KCNB2: variants seen among roughly 807,000 people sequenced by gnomAD.
KCNB2 encodes delayed rectifier potassium channel protein.
In KCNB2, 15 loss-of-function variants were observed where a neutral mutation model predicts 61.5. The observed-to-expected ratio is 0.24, with a 90% CI of 0.16 to 0.38. The LOEUF is 0.38. KCNB2 is among the 10% of genes least tolerant of loss of function. KCNB2 has a pLI of 1.00. For synonymous variants in KCNB2, 457 were observed against 446.0 expected, an observed-to-expected ratio of 1.02 and a Z score of -0.31; for missense variants, 828 against 1,125.2, an observed-to-expected ratio of 0.74 and a Z score of 3.78.
intron 2 of KCNB2, among the ~76,000 whole-genome samples, chr8:72,582,659 C>G (rs1806922931): frequency 1.3e-5 from 2 of 152,218 alleles, no homozygotes; most frequent in Admixed American, 6.5e-5. Flanking sequence ...TTTCCTCAGG[C>G]TACAGTGCAG....
chr8:72,665,141 T>G (rs1009356155), intron 2 of KCNB2, among the ~76,000 whole-genome samples: 3 of 152,190 alleles, frequency 2.0e-5, no homozygotes, highest in Non-Finnish European at 4.4e-5. Context: ...TCTCACTTGC[T>G]TTTGCATATG....
At chr8:72,774,784 A>C (rs1389821760) in intron 2 of KCNB2, among the ~76,000 whole-genome samples, 1 of 152,188 alleles carries the variant, frequency 6.6e-6, no homozygotes, top group Non-Finnish European at 1.5e-5. Context: ...CAATATGTTT[A>C]GATCAGTAAC....
chr8:72,626,419 T>C (rs976609049), intron 2 of KCNB2, among the ~76,000 whole-genome samples: 4 of 152,180 alleles, frequency 2.6e-5, no homozygotes, highest in Admixed American at 2.6e-4. Flanking sequence ...ACTCAGAATA[T>C]ATTTGGGCAG....
intron 2 of KCNB2, among the ~76,000 whole-genome samples, chr8:72,825,480 C>T (rs995441257): frequency 2.0e-5 from 3 of 152,178 alleles, no homozygotes. Flanking sequence ...GTACCATTTT[C>T]CACAGTGGCT....
intron 2 of KCNB2, among the ~76,000 whole-genome samples, chr8:72,768,319 A>G (rs1808494170): frequency 6.6e-6 from 1 of 151,828 alleles, no homozygotes; most frequent in South Asian, 2.1e-4. Context: ...GACTACAGGC[A>G]TGCACCACCA....
intron 2 of KCNB2, among the ~76,000 whole-genome samples, chr8:72,641,834 AT>A (rs1806060751): frequency 6.6e-6 from 1 of 152,130 alleles, no homozygotes; most frequent in Admixed American, 6.6e-5. Flanking sequence ...AAAAGAACAT[AT>A]GTAAGTGCCT....
At chr8:72,705,998 G>GC (rs1446188754) in intron 2 of KCNB2, among the ~76,000 whole-genome samples, 1 of 152,200 alleles carries the variant, frequency 6.6e-6, no homozygotes, top group Non-Finnish European at 1.5e-5. Context: ...AGGGCAGAAG[G>GC]CCCATTCCTA....
chr8:72,898,333 C>T (rs1385562351), intron 2 of KCNB2, among the ~76,000 whole-genome samples: 2 of 151,842 alleles, frequency 1.3e-5, no homozygotes, highest in Non-Finnish European at 1.5e-5. Flanking sequence ...AGGAGATATA[C>T]CTAATGTTAA....
At chr8:72,760,757 T>C (rs1195572730) in intron 2 of KCNB2, among the ~76,000 whole-genome samples, 1 of 152,200 alleles carries the variant, frequency 6.6e-6, no homozygotes, top group Non-Finnish European at 1.5e-5. Flanking sequence ...GACTTGGTGT[T>C]GGCAGTACTT....
intron 2 of KCNB2, among the ~76,000 whole-genome samples, chr8:72,744,747 G>T (rs1808028993): frequency 6.6e-6 from 1 of 152,108 alleles, no homozygotes; most frequent in Admixed American, 6.6e-5. Flanking sequence ...AAACACAAGT[G>T]CCAAGGACCT....
At chr8:72,922,413 A>G (rs963269855) in intron 2 of KCNB2, among the ~76,000 whole-genome samples, 2 of 152,234 alleles carry the variant, frequency 1.3e-5, no homozygotes, top group Non-Finnish European at 2.9e-5. Context: ...TCCTGCTGCT[A>G]TAACAAAATA....
At chr8:72,794,638 T>C (rs1276387148) in intron 2 of KCNB2, among the ~76,000 whole-genome samples, 1 of 135,856 alleles carries the variant, frequency 7.4e-6, no homozygotes, top group Non-Finnish European at 1.6e-5. Context: ...AGGAGAGGAG[T>C]AGGTTAAAGG....
chr8:72,838,433 G>C (rs572868358), intron 2 of KCNB2, among the ~76,000 whole-genome samples: 1 of 152,292 alleles, frequency 6.6e-6, no homozygotes, highest in East Asian at 1.9e-4. Context: ...CCCTGCAAAG[G>C]ACATGAACTC....
intron 1 of KCNB2, among the ~76,000 whole-genome samples, chr8:72,546,536 A>G (rs1185865469): frequency 6.6e-6 from 1 of 151,648 alleles, no homozygotes; most frequent in Non-Finnish European, 1.5e-5. Context: ...AAAAAAGTGC[A>G]AGGTGAAGAA....
At position 72,746,469 on chromosome 8, in the gene KCNB2, C is replaced by T. The variant is rs556849605; in HGVS notation, c.579+178156C>T. On this transcript the variant is annotated intron_variant, in intron 2 of 2. Transcript: ENST00000523207. ...GTTCTTGTCTACTAAAGAAAAGACA[C>T]CAACAAACAAAGAAATATAAAACAA... 8.5e-5 allele frequency among the ~76,000 whole-genome samples: 13 copies of T among 152,204 alleles called. 1 individual carries two copies. The highest frequency in any genetic ancestry group is 6.8e-3 in the Middle Eastern group (2 of 294).
At chr8:72,735,531 GT>G (rs1166029685) in intron 2 of KCNB2, among the ~76,000 whole-genome samples, 9 of 152,306 alleles carry the variant, frequency 5.9e-5, no homozygotes, top group African/African-American at 1.9e-4. Context: ...AAACTTTACT[GT>G]GTGGTAATGT....
intron 2 of KCNB2, among the ~76,000 whole-genome samples, chr8:72,658,587 A>C (rs1478029477): frequency 6.6e-6 from 1 of 152,224 alleles, no homozygotes; most frequent in African/African-American, 2.4e-5. Context: ...TTGTAGATGA[A>C]ATGGCCTTCT....
At chr8:72,626,010 G>A (rs1167868740) in intron 2 of KCNB2, among the ~76,000 whole-genome samples, 2 of 152,042 alleles carry the variant, frequency 1.3e-5, no homozygotes, top group South Asian at 4.2e-4. Flanking sequence ...AATAAGAAAA[G>A]CAATTTCAAA....
intron 2 of KCNB2, among the ~76,000 whole-genome samples, chr8:72,579,906 G>T (rs1333990634): frequency 2.6e-5 from 4 of 152,194 alleles, no homozygotes; most frequent in Non-Finnish European, 4.4e-5. Context: ...GTTCCCTGCA[G>T]TCCAGGGTCA....
Sources: allele counts gnomAD v4.1 joint callset (sites outside exome capture counted in the v4.1 genomes callset), GRCh38; gene constraint gnomAD v4.1.1; transcripts MANE v1.5; gene names NCBI Gene and HGNC (gene_info 2026-07-23, HGNC 2026-07-21).